The following ANKHD1 variants were observed in gnomAD, a reference collection of about 807,000 sequenced individuals.
ANKHD1 encodes the protein ankyrin repeat and KH domain-containing protein 1.
In ANKHD1, 31 loss-of-function variants were observed where a neutral mutation model predicts 230.5. The ratio of observed to expected loss-of-function variants is 0.13; its 90% CI spans 0.10 to 0.18. ANKHD1 has a LOEUF of 0.18. ANKHD1 is among the 10% of genes least tolerant of loss of function. The probability of loss-of-function intolerance (pLI) is 1.00; values close to 1 mark genes in which losing one functional copy is unlikely to be tolerated. For synonymous variants in ANKHD1, 1,074 were observed against 1,117.6 expected (o/e 0.96, Z 0.78); for missense variants, 2,256 against 3,071.3 (o/e 0.73, Z 6.27).
intron 24 of ANKHD1, among the ~76,000 whole-genome samples, chr5:140,521,190 G>C (rs545914127): frequency 7.3e-4 from 111 of 152,254 alleles, no homozygotes; most frequent in African/African-American, 2.4e-3. Context: ...TGATTATTGA[G>C]AGATGCTAAA....
At chr5:140,505,319 T>C in intron 17 of ANKHD1, 86 bp downstream of exon 17, 1 of 1,398,206 alleles carries the variant, frequency 7.2e-7, no homozygotes, top group Non-Finnish European at 9.9e-7. Context: ...GTTCCTAGAC[T>C]ATCTCAGTGA....
At chr5:140,432,247 A>G (rs1045655405) in intron 1 of ANKHD1, among the ~76,000 whole-genome samples, 5 of 152,162 alleles carry the variant, frequency 3.3e-5, no homozygotes, top group Non-Finnish European at 5.9e-5. Context: ...AGTCACTCCT[A>G]TTCTTCCCTT....
chr5:140,462,994 C>T (rs1394555264), intron 9 of ANKHD1, among the ~76,000 whole-genome samples: 1 of 151,758 alleles, frequency 6.6e-6, no homozygotes, highest in East Asian at 1.9e-4. Flanking sequence ...TACAGGCATA[C>T]ACCACTATGC....
At position 140,526,234 on chromosome 5, in the gene ANKHD1, A is replaced by AAT. The variant is rs1487650588; in HGVS notation, c.4733_4734dup (p.Asn1579Ter). On this transcript the variant is annotated frameshift_variant, in exon 26 of 34. Coordinates refer to ENST00000360839, the MANE Select transcript of ANKHD1 (RefSeq NM_017747.3). LOFTEE classifies it high-confidence loss of function. ...CCCAACAAAAGGCAGATAAAAATAA[A>AAT]ATAAATGGAGAACCTAGAGGTGGTG... is the stretch of plus-strand genomic sequence containing the variant. The AAT allele has an allele frequency of 6.2e-7, 1 of 1,614,106 alleles. No homozygotes were observed. The highest frequency in any genetic ancestry group is 1.3e-5 in the African/African-American group (1 of 74,940).
intron 1 of ANKHD1, among the ~76,000 whole-genome samples, chr5:140,414,148 A>C (rs1771164588): frequency 6.6e-6 from 1 of 152,178 alleles, no homozygotes; most frequent in Admixed American, 6.5e-5. Context: ...TAATGCTGTT[A>C]TGAACATAGA....
intron 30 of ANKHD1, 116 bp downstream of exon 30, chr5:140,535,654 A>C (rs1403771193): frequency 2.5e-5 from 33 of 1,321,016 alleles, no homozygotes; most frequent in Non-Finnish European, 3.1e-5. Flanking sequence ...CAGATGCCCA[A>C]GGTTTGTTCT....
chr5:140,536,852 G>A (rs1425913196), intron 30 of ANKHD1, among the ~76,000 whole-genome samples: 1 of 152,096 alleles, frequency 6.6e-6, no homozygotes, highest in Non-Finnish European at 1.5e-5. Flanking sequence ...GGAGAAACCC[G>A]TCTCTACTAA....
At chr5:140,447,563 C>T (rs1027132033) in intron 6 of ANKHD1, among the ~76,000 whole-genome samples, 1 of 152,108 alleles carries the variant, frequency 6.6e-6, no homozygotes, top group African/African-American at 2.4e-5. Context: ...TTCACTATTT[C>T]ATTTAGGATT....
intron 4 of ANKHD1, 122 bp downstream of exon 4, chr5:140,440,388 T>C: frequency 1.5e-6 from 2 of 1,365,118 alleles, no homozygotes; most frequent in Non-Finnish European, 1.9e-6. Flanking sequence ...CCATCCTCCT[T>C]CCCTTTTTGG....
Position 140,538,920 on chromosome 5 carries a change from G to T in ANKHD1, c.7406G>T (p.Gly2469Val), listed in dbSNP as rs1754192514. The T allele has an allele frequency of 1.3e-6, 2 of 1,528,268 alleles. No homozygotes were observed. The highest frequency in any genetic ancestry group is 8.8e-7 in the Non-Finnish European group (1 of 1,139,062). The allele number at this position is 1,528,268 out of a possible 1,614,324, so 94.7% of individuals were successfully genotyped here. ...MASGFVDFSK[G>V]LPISMYGGTI... ...AAATCTTTTTTCCTGCTGTTTTAGG[G>T]TCTGCCAATTTCCATGTATGGAGGC... The change falls in exon 33 of 34, where the codon GGT (glycine) becomes GTT (valine). Residue 2469 changes from glycine to valine, a missense_variant and splice_region_variant. Coordinates refer to ENST00000360839, the MANE Select transcript of ANKHD1 (RefSeq NM_017747.3).
chr5:140,485,789 T>C lies in ANKHD1; in HGVS notation c.2142+57T>C. ...AAATATTCTTCAACATGATTAGAAG[T>C]TTTTGTTTAAAATCAGTTTTAAGCA... On this transcript the variant is annotated intron_variant, in intron 13 of 33. Coordinates refer to ENST00000360839, the MANE Select transcript of ANKHD1 (RefSeq NM_017747.3). This position sits in a 1 kb window ranked among gnomAD's most constrained non-coding sequence, Gnocchi z 4.8. 3.8e-6 allele frequency: 6 copies of C among 1,591,070 alleles called. No homozygotes were observed. The highest frequency in any genetic ancestry group is 5.1e-6 in the Non-Finnish European group (6 of 1,174,302).
Position 140,506,837 on chromosome 5 carries a change from G to T in ANKHD1, c.3411G>T (p.Val1137=). 1 of 1,614,036 alleles carries T rather than the reference G, an allele frequency of 6.2e-7. No individual in the cohort carries two copies. The highest frequency in any genetic ancestry group is 8.5e-7 in the Non-Finnish European group (1 of 1,179,984). The part of the protein sequence containing the change: ...SLACSGGRQE[V]VDLLLARGAN... ...TCTATCCATATTTTACTTTGTAGGT[G>T]GTAGACTTGCTGCTGGCTCGAGGTG... The change falls in exon 19 of 34, where the codon GTG becomes GTT. Residue 1137 remains valine, a splice_region_variant and synonymous_variant. Coordinates refer to ENST00000360839, the MANE Select transcript of ANKHD1 (RefSeq NM_017747.3). This position sits in a 1 kb window ranked among gnomAD's most constrained non-coding sequence, Gnocchi z 4.7.
chr5:140,521,874 G>A (rs1753366396), intron 24 of ANKHD1, among the ~76,000 whole-genome samples: 1 of 152,232 alleles, frequency 6.6e-6, no homozygotes, highest in Non-Finnish European at 1.5e-5. Flanking sequence ...AGCTACCTGG[G>A]AGGCTGAGGC....
chr5:140,465,188 A>G (rs1409240397), intron 10 of ANKHD1: 1 of 153,214 alleles, frequency 6.5e-6, no homozygotes, highest in African/African-American at 2.4e-5. Flanking sequence ...GTGATATTTC[A>G]ATACATGTAT....
chr5:140,459,015 T>TATAC, intron 8 of ANKHD1, 149 bp from the exon 9 acceptor site: 1 of 98,002 alleles, frequency 1.0e-5, no homozygotes, highest in South Asian at 3.5e-4. Flanking sequence ...TATATATATA[T>TATAC]ATATATATAT....
Position 140,436,217 on chromosome 5 carries a change from A to G in ANKHD1, c.420A>G (p.Pro140=). 1.9e-6 allele frequency: 3 copies of G among 1,599,970 alleles called. No homozygotes were observed. The highest frequency in any genetic ancestry group is 2.6e-6 in the Non-Finnish European group (3 of 1,174,358). Reference sequence around the variant, plus strand: ...GAGCAGACTTACGCACTGTGGATCCAGAGACACAGGCACGACTAGAAGCAT... The same window carrying G: ...GAGCAGACTTACGCACTGTGGATCCGGAGACACAGGCACGACTAGAAGCAT... The part of the protein sequence containing the change: ...AEGADLRTVD[P]ETQARLEALL... The change falls in exon 2 of 34, where the codon CCA becomes CCG. Residue 140 remains proline, a synonymous_variant. Transcript: ENST00000360839.
chr5:140,457,580 C>T (rs917120248), intron 7 of ANKHD1, among the ~76,000 whole-genome samples: 5 of 152,254 alleles, frequency 3.3e-5, no homozygotes, highest in African/African-American at 7.2e-5. Context: ...TGGAAACCAT[C>T]ATTCTCAGCA....
chr5:140,426,487 T>G (rs929935216), intron 1 of ANKHD1, among the ~76,000 whole-genome samples: 2 of 152,056 alleles, frequency 1.3e-5, no homozygotes, highest in Non-Finnish European at 2.9e-5. Flanking sequence ...AGGTTTAGTC[T>G]TTCCTTGAAC....
intron 29 of ANKHD1, among the ~76,000 whole-genome samples, chr5:140,530,716 T>G (rs533247004): frequency 4.6e-5 from 7 of 152,254 alleles, no homozygotes; most frequent in Non-Finnish European, 1.0e-4. Flanking sequence ...AGAGCCAAAT[T>G]TTAGTCTAAT....
Sources: allele counts gnomAD v4.1 joint callset (sites outside exome capture counted in the v4.1 genomes callset), GRCh38; gene constraint gnomAD v4.1.1; non-coding constraint Gnocchi (gnomAD v3.1); transcripts MANE v1.5; gene names NCBI Gene and HGNC (gene_info 2026-07-23, HGNC 2026-07-21).